The following KIF5C variants were observed in gnomAD, a reference collection of about 807,000 sequenced individuals.
KIF5C encodes kinesin heavy chain isoform 5C.
Under a neutral mutation model 125.2 loss-of-function variants are expected in KIF5C, and 18 were observed. The observed-to-expected ratio is 0.14, with a 90% CI of 0.10 to 0.21. The LOEUF (loss-of-function observed/expected upper bound fraction) is 0.21. Among genes scored for constraint, KIF5C ranks in the 10% least tolerant of loss-of-function variants. The probability of loss-of-function intolerance (pLI) is 1.00; values close to 1 mark genes in which losing one functional copy is unlikely to be tolerated. For missense variants in KIF5C, 780 were observed against 1,183.8 expected, an observed-to-expected ratio of 0.66 and a Z score of 5.01; for synonymous variants, 405 against 434.0, an observed-to-expected ratio of 0.93 and a Z score of 0.83.
intron 6 of KIF5C, 107 bp downstream of exon 6, chr2:148,942,097 A>G: frequency 2.4e-6 from 3 of 1,259,542 alleles, no homozygotes; most frequent in Non-Finnish European, 3.3e-6. Context: ...GCATATAGGC[A>G]TTTATTCAGG....
intron 4 of KIF5C, among the ~76,000 whole-genome samples, chr2:148,940,079 G>A (rs910502834): frequency 3.9e-5 from 6 of 152,016 alleles, no homozygotes; most frequent in Non-Finnish European, 8.8e-5. Context: ...TGGAAATAAG[G>A]CCATATGTTT....
intron 8 of KIF5C, among the ~76,000 whole-genome samples, chr2:148,949,026 G>A (rs1245466777): frequency 2.0e-5 from 3 of 152,142 alleles, no homozygotes; most frequent in Admixed American, 6.5e-5. Flanking sequence ...TTGCGTAGTT[G>A]AACATTGCTT....
rs775899698 is a variant in KIF5C at position 148,991,141 on chromosome 2, C to T, written c.1848C>T (p.Asn616=). ...KQLESAQMDS[N]RKMNASEREL... is the part of the protein sequence containing the mutation. Reference sequence around the variant, plus strand: ...TCGAGAGCGCCCAGATGGACTCCAACAGGAAGATGAATGCCAGCGAGCGGG... The same window carrying T: ...TCGAGAGCGCCCAGATGGACTCCAATAGGAAGATGAATGCCAGCGAGCGGG... The change falls in exon 16 of 26, where the codon AAC becomes AAT. Residue 616 remains asparagine, a synonymous_variant. Coordinates refer to ENST00000435030, the MANE Select transcript of KIF5C (RefSeq NM_004522.3). 15 of 1,613,874 alleles carry T rather than the reference C, an allele frequency of 9.3e-6. No individual in the cohort carries two copies. In the Admixed American group the frequency reaches 1.0e-4, roughly 11 times the overall value.
At chr2:148,992,579 C>T (rs972137658) in intron 16 of KIF5C, among the ~76,000 whole-genome samples, 11 of 152,044 alleles carry the variant, frequency 7.2e-5, no homozygotes, top group African/African-American at 2.7e-4. Flanking sequence ...TATTATGCAG[C>T]TCTTATAAAA....
intron 7 of KIF5C, among the ~76,000 whole-genome samples, chr2:148,944,649 A>G (rs1206204177): frequency 6.6e-6 from 1 of 152,184 alleles, no homozygotes; most frequent in Non-Finnish European, 1.5e-5. Context: ...TCTTTTGAGT[A>G]TATATGCAGA....
At chr2:149,009,709 T>C (rs2105199351) in intron 23 of KIF5C, among the ~76,000 whole-genome samples, 1 of 152,336 alleles carries the variant, frequency 6.6e-6, no homozygotes, top group African/African-American at 2.4e-5. Context: ...AAGGAAGCCC[T>C]CTGAGAGCTC....
chr2:149,009,558 G>T (rs1280901280), intron 23 of KIF5C, among the ~76,000 whole-genome samples: 1 of 152,112 alleles, frequency 6.6e-6, no homozygotes, highest in Non-Finnish European at 1.5e-5. Flanking sequence ...GCTGGCCCTT[G>T]AGCCCACTCC....
chr2:148,916,907 C>T lies in KIF5C; in HGVS notation c.127-5230C>T, dbSNP rs79038743. On this transcript the variant is annotated intron_variant, in intron 1 of 25. Transcript: ENST00000435030. ...TGCTGCCTACCTAGCTGGCTGCACG[C>T]ATGCCATCTACCCTCTCCTGATCTT... Among the ~76,000 whole-genome samples the T allele has an allele frequency of 9.6e-3, 1,466 of 152,292 alleles. 23 individuals carry two copies. The highest frequency in any genetic ancestry group is 0.031 in the African/African-American group (1,298 of 41,542).
intron 10 of KIF5C, among the ~76,000 whole-genome samples, chr2:148,956,423 G>A (rs563142776): frequency 6.6e-6 from 1 of 152,306 alleles, no homozygotes; most frequent in South Asian, 2.1e-4. Flanking sequence ...AAGATGTACT[G>A]TGGCCTCTGA....
chr2:148,962,846 T>G (rs1288312999), intron 11 of KIF5C, among the ~76,000 whole-genome samples: 1 of 152,192 alleles, frequency 6.6e-6, no homozygotes. Context: ...TTATTACTGG[T>G]TTGGGGTTAA....
At chr2:148,885,383 C>G (rs1681487823) in intron 1 of KIF5C, among the ~76,000 whole-genome samples, 1 of 152,206 alleles carries the variant, frequency 6.6e-6, no homozygotes, top group Admixed American at 6.5e-5. Context: ...TGGCCTTCTC[C>G]CTGCTGCTGC....
At chr2:149,012,087 A>C (rs1379912280) in intron 25 of KIF5C, among the ~76,000 whole-genome samples, 1 of 150,482 alleles carries the variant, frequency 6.6e-6, no homozygotes, top group Non-Finnish European at 1.5e-5. Context: ...GAATATAAAG[A>C]AAGAGCCAGA....
rs1055098967 is a variant in KIF5C, at chr2:148,942,603, G to A, written c.502-70G>A. ...ACCTCTAGAAGATAAACAGGAAAATGTTTCAGCCTTTCAAAATATTGTTGC... is the reference window on the plus strand; with the variant it reads ...ACCTCTAGAAGATAAACAGGAAAATATTTCAGCCTTTCAAAATATTGTTGC... On this transcript the variant is annotated intron_variant, in intron 6 of 25. Transcript: ENST00000435030. 52 of 1,548,034 alleles carry A rather than the reference G, an allele frequency of 3.4e-5. 1 individual carries two copies. Among genetic ancestry groups the A allele is most frequent in the Middle Eastern group, 3.3e-4 (2 of 5,990 alleles).
In KIF5C at chr2:148,995,915, G is replaced by A. The variant is rs183873189; in HGVS notation, c.2024-1349G>A. The stretch of plus-strand genomic sequence containing the variant: ...CTCACGCCTGTAATCCCAGCACTTT[G>A]CGAGGCTGAGGCGGGCGGATCACGA... On this transcript the variant is annotated intron_variant, in intron 17 of 25. Transcript: ENST00000435030. 1.2e-3 allele frequency among the ~76,000 whole-genome samples: 185 copies of A among 152,230 alleles called. 1 individual carries two copies. Among genetic ancestry groups the A allele is most frequent in the African/African-American group, 3.9e-3 (164 of 41,528 alleles).
In KIF5C at chr2:148,924,935, C is replaced by T. The variant is rs953248017; in HGVS notation, c.217+2708C>T. 6.6e-6 allele frequency among the ~76,000 whole-genome samples: 1 copy of T among 152,100 alleles called. No homozygotes were observed. The highest frequency in any genetic ancestry group is 6.5e-5 in the Admixed American group (1 of 15,270). ...TAAGCAGTGCTGGGACTGGAGTCGC[C>T]ATGCTATGTAAGACTGTCTGCAAGG... On this transcript the variant is annotated intron_variant, in intron 2 of 25. Coordinates refer to ENST00000435030, the MANE Select transcript of KIF5C (RefSeq NM_004522.3). The surrounding 1 kb of genome is among the most constrained non-coding windows in gnomAD (Gnocchi z 4.0).
At chr2:148,901,763 C>T (rs1234376865) in intron 1 of KIF5C, among the ~76,000 whole-genome samples, 1 of 152,166 alleles carries the variant, frequency 6.6e-6, no homozygotes, top group Admixed American at 6.5e-5. Flanking sequence ...CCCTCCATCC[C>T]TCCCAGCCTT....
intron 22 of KIF5C, among the ~76,000 whole-genome samples, chr2:149,006,045 G>A (rs1192998886): frequency 6.6e-6 from 1 of 152,178 alleles, no homozygotes; most frequent in Non-Finnish European, 1.5e-5. Flanking sequence ...CAGGCCTGCG[G>A]GGTCTCTGGA....
intron 8 of KIF5C, 52 bp from the exon 9 acceptor site, chr2:148,949,786 CT>C: frequency 6.3e-7 from 1 of 1,576,526 alleles, no homozygotes; most frequent in Non-Finnish European, 8.6e-7. Context: ...GAAATTTCTA[CT>C]TTGTGCTTCT....
intron 4 of KIF5C, 114 bp from the exon 5 acceptor site, chr2:148,941,496 C>A (rs1183055567): frequency 1.7e-5 from 24 of 1,385,204 alleles, no homozygotes; most frequent in Non-Finnish European, 2.4e-5. Context: ...ACTTTGAACC[C>A]CTCTTCTTAC....
Sources: gnomAD v4.1 joint callset for allele counts (sites outside exome capture counted in the v4.1 genomes callset) on GRCh38, gnomAD v4.1.1 for gene constraint, Gnocchi (gnomAD v3.1) non-coding constraint, MANE v1.5 for transcripts, NCBI Gene and HGNC (gene_info 2026-07-23, HGNC 2026-07-21) for gene names.